Variants in MERTK observed in about 807,000 individuals in gnomAD.
The protein encoded by MERTK is tyrosine-protein kinase Mer.
MERTK carries 69 observed loss-of-function variants against 99.3 expected under a neutral mutation model. The ratio of observed to expected loss-of-function variants is 0.70; its 90% CI spans 0.57 to 0.85. The LOEUF is 0.85. MERTK is among the 40% of genes least tolerant of loss of function. The pLI, the probability that MERTK is intolerant of heterozygous loss-of-function variation, is 0.00. For missense variants in MERTK, 1,125 were observed against 1,249.4 expected (o/e 0.90, Z 1.50); for synonymous variants, 426 against 467.6 (o/e 0.91, Z 1.15).
intron 17 of MERTK, 127 bp from the exon 18 acceptor site, chr2:112,022,131 C>T: frequency 7.5e-7 from 1 of 1,328,840 alleles, no homozygotes; most frequent in Non-Finnish European, 1.1e-6. Flanking sequence ...AGCAGTGCGT[C>T]TCACACATAA....
intron 9 of MERTK, 69 bp from the exon 10 acceptor site, chr2:111,997,254 C>G (rs1676765736): frequency 6.5e-7 from 1 of 1,527,130 alleles, no homozygotes; most frequent in East Asian, 2.2e-5. Flanking sequence ...ACTATTTGTT[C>G]TTCCCTGTTA....
chr2:111,931,588 A>G (rs1684672702), intron 2 of MERTK, among the ~76,000 whole-genome samples: 1 of 152,048 alleles, frequency 6.6e-6, no homozygotes. Context: ...CGGGAGACTG[A>G]GGCAGGAGAA....
At chr2:111,902,530 G>A (rs2104656872) in intron 1 of MERTK, among the ~76,000 whole-genome samples, 1 of 152,132 alleles carries the variant, frequency 6.6e-6, no homozygotes, top group African/African-American at 2.4e-5. Context: ...TACCACTCCA[G>A]CCACCTGTGT....
intron 16 of MERTK, 85 bp from the exon 17 acceptor site, chr2:112,021,337 A>G: frequency 6.3e-7 from 1 of 1,586,388 alleles, no homozygotes; most frequent in Middle Eastern, 2.3e-4. Flanking sequence ...CAATTATCAT[A>G]AGTGTTTTCA....
In MERTK at chr2:111,971,421, T is replaced by C. The variant is rs1333556897; in HGVS notation, c.960+3169T>C. On this transcript the variant is annotated intron_variant, in intron 6 of 18. Coordinates refer to ENST00000295408, the MANE Select transcript of MERTK (RefSeq NM_006343.3). ...GAGGTTAGGTTATTGATTGTGTTCT[T>C]TTATATATAAAAAAAAATAGGCATT... 2.6e-5 allele frequency among the ~76,000 whole-genome samples: 4 copies of C among 151,800 alleles called. No individual in the cohort carries two copies. In the East Asian group the frequency reaches 7.7e-4, roughly 29 times the overall value.
intron 4 of MERTK, among the ~76,000 whole-genome samples, chr2:111,958,841 T>C (rs1323620177): frequency 6.6e-6 from 1 of 152,146 alleles, no homozygotes; most frequent in Admixed American, 6.5e-5. Context: ...AACTGGATAA[T>C]GGATCTCAGT....
At chr2:112,027,543 C>A (rs888540304) in intron 18 of MERTK, among the ~76,000 whole-genome samples, 7 of 152,086 alleles carry the variant, frequency 4.6e-5, no homozygotes, top group Admixed American at 2.0e-4. Flanking sequence ...GATGAAAAAA[C>A]CACCCAGAAG....
intron 1 of MERTK, among the ~76,000 whole-genome samples, chr2:111,901,028 T>C (rs1278998974): frequency 6.6e-6 from 1 of 152,148 alleles, no homozygotes; most frequent in East Asian, 1.9e-4. Flanking sequence ...GGAAATCCCC[T>C]CTGCCCCCCA....
intron 6 of MERTK, among the ~76,000 whole-genome samples, chr2:111,969,673 A>G (rs371467428): frequency 7.1e-6 from 1 of 140,518 alleles, no homozygotes; most frequent in Admixed American, 7.2e-5. Context: ...GCCCTCACCC[A>G]CCACCTCCAG....
chr2:112,018,314 A>G (rs1677260764), intron 15 of MERTK, among the ~76,000 whole-genome samples: 1 of 152,242 alleles, frequency 6.6e-6, no homozygotes. Flanking sequence ...TACTCATTAC[A>G]TCTTCATGAA....
chr2:112,019,285 A>G, intron 15 of MERTK, 128 bp from the exon 16 acceptor site: 1 of 802,108 alleles, frequency 1.2e-6, no homozygotes, highest in Non-Finnish European at 2.3e-6. Flanking sequence ...TGGAAATAAA[A>G]GATTTGTTTC....
intron 1 of MERTK, among the ~76,000 whole-genome samples, chr2:111,901,895 TG>T (rs1304624801): frequency 6.6e-6 from 1 of 151,958 alleles, no homozygotes; most frequent in Non-Finnish European, 1.5e-5. Flanking sequence ...TATGTTTTTT[TG>T]TTTTTGAGAT....
intron 6 of MERTK, among the ~76,000 whole-genome samples, chr2:111,973,026 G>C (rs1676155167): frequency 6.6e-6 from 1 of 152,074 alleles, no homozygotes; most frequent in South Asian, 2.1e-4. Context: ...CACTTCCTTT[G>C]GTCCTGATCT....
intron 18 of MERTK, among the ~76,000 whole-genome samples, chr2:112,023,196 C>T (rs764856567): frequency 2.6e-5 from 4 of 152,060 alleles, no homozygotes; most frequent in Admixed American, 6.6e-5. Context: ...GGGTGGATCA[C>T]GAGGTCAGGA....
intron 4 of MERTK, among the ~76,000 whole-genome samples, chr2:111,958,142 C>G (rs1000198412): frequency 1.3e-5 from 2 of 152,124 alleles, no homozygotes; most frequent in African/African-American, 2.4e-5. Context: ...GAGGAGTTGG[C>G]TCAGGAGATT....
intron 1 of MERTK, among the ~76,000 whole-genome samples, chr2:111,927,900 C>G (rs1684597596): frequency 6.6e-6 from 1 of 152,120 alleles, no homozygotes; most frequent in Admixed American, 6.5e-5. Context: ...ATGTAGACTG[C>G]TAGGCCTATA....
intron 1 of MERTK, among the ~76,000 whole-genome samples, chr2:111,926,609 C>T (rs1573575774): frequency 6.6e-6 from 1 of 152,152 alleles, no homozygotes; most frequent in Admixed American, 6.5e-5. Context: ...CACCTGTAGT[C>T]CCAGCTACTC....
Position 112,001,249 on chromosome 2 carries a change from A to T in MERTK, c.1653A>T (p.Ala551=), listed in dbSNP as rs1483775290. The change falls in exon 11 of 19, where the codon GCA becomes GCT. Residue 551 remains alanine, a synonymous_variant. Coordinates refer to ENST00000295408, the MANE Select transcript of MERTK (RefSeq NM_006343.3). The part of the protein sequence containing the change: ...EDSELVVNYI[A]KKSFCRRAIE... ...CTGAATTAGTGGTGAATTATATAGCAAAGAAATCCTTCTGTCGGCGAGCCA... is the reference window on the plus strand; with the variant it reads ...CTGAATTAGTGGTGAATTATATAGCTAAGAAATCCTTCTGTCGGCGAGCCA... 4 of 1,613,926 alleles carry T rather than the reference A, an allele frequency of 2.5e-6. No homozygotes were observed. The African/African-American group carries it at 5.3e-5, about 22-fold the overall frequency.
intron 13 of MERTK, among the ~76,000 whole-genome samples, chr2:112,006,444 G>A (rs1345418271): frequency 6.6e-6 from 1 of 152,098 alleles, no homozygotes; most frequent in Non-Finnish European, 1.5e-5. Context: ...ACCAAGCACT[G>A]AGCCATATTC....
Sources: gnomAD v4.1 joint callset for allele counts (sites outside exome capture counted in the v4.1 genomes callset) on GRCh38, gnomAD v4.1.1 for gene constraint, MANE v1.5 for transcripts, NCBI Gene and HGNC (gene_info 2026-07-23, HGNC 2026-07-21) for gene names.